Variants in FAM171A1 observed in about 807,000 individuals in gnomAD.
FAM171A1 encodes protein FAM171A1.
In FAM171A1, 23 loss-of-function variants were observed where a neutral mutation model predicts 74.9. That is an observed-to-expected ratio of 0.31 (90% CI 0.22 to 0.44). The LOEUF (loss-of-function observed/expected upper bound fraction) is 0.44. Ranked by LOEUF, FAM171A1 falls within the 20% of genes least tolerant of loss-of-function variation. The probability of loss-of-function intolerance (pLI) is 1.00; values close to 1 mark genes in which losing one functional copy is unlikely to be tolerated. For synonymous variants in FAM171A1, 527 were observed against 505.7 expected (o/e 1.04, Z -0.57); for missense variants, 1,162 against 1,159.2 (o/e 1.00, Z -0.03).
At chr10:15,290,890 G>A (rs1472866861) in intron 1 of FAM171A1, among the ~76,000 whole-genome samples, 4 of 152,092 alleles carry the variant, frequency 2.6e-5, no homozygotes, top group African/African-American at 9.7e-5. Context: ...GGCCACCCAT[G>A]TACCGCCGTT....
intron 4 of FAM171A1, among the ~76,000 whole-genome samples, chr10:15,252,434 T>G (rs1834521900): frequency 6.6e-6 from 1 of 152,220 alleles, no homozygotes; most frequent in Non-Finnish European, 1.5e-5. Context: ...TTGTGTCATC[T>G]TCCAAAGACA....
At chr10:15,353,571 A>C (rs1835901820) in intron 1 of FAM171A1, among the ~76,000 whole-genome samples, 1 of 152,194 alleles carries the variant, frequency 6.6e-6, no homozygotes, top group Non-Finnish European at 1.5e-5. Flanking sequence ...AAGTTCAGAA[A>C]ACATCGTCTC....
chr10:15,359,393 G>A (rs1835967731), intron 1 of FAM171A1, among the ~76,000 whole-genome samples: 1 of 152,128 alleles, frequency 6.6e-6, no homozygotes, highest in African/African-American at 2.4e-5. Flanking sequence ...CTCAGGGAGG[G>A]AAGGGACAGG....
chr10:15,316,264 C>T (rs911880170), intron 1 of FAM171A1, among the ~76,000 whole-genome samples: 3 of 152,178 alleles, frequency 2.0e-5, no homozygotes, highest in Non-Finnish European at 4.4e-5. Flanking sequence ...TGCTGAGCAG[C>T]TGTATTTTCT....
intron 5 of FAM171A1, among the ~76,000 whole-genome samples, chr10:15,238,392 T>C (rs537277960): frequency 7.9e-5 from 12 of 152,346 alleles, no homozygotes; most frequent in East Asian, 5.8e-4. Context: ...TTCGCTACAA[T>C]TGATGAGCCT....
intron 1 of FAM171A1, among the ~76,000 whole-genome samples, chr10:15,332,502 G>T (rs1342899288): frequency 6.6e-6 from 1 of 152,176 alleles, no homozygotes; most frequent in East Asian, 1.9e-4. Flanking sequence ...CTGGGGCGCT[G>T]CTTGGCAATG....
At chr10:15,286,596 T>C (rs1045002725) in intron 1 of FAM171A1, among the ~76,000 whole-genome samples, 2 of 152,130 alleles carry the variant, frequency 1.3e-5, no homozygotes, top group African/African-American at 2.4e-5. Flanking sequence ...TATTAACATC[T>C]TTATATCCAG....
At chr10:15,318,817 T>C (rs1400547629) in intron 1 of FAM171A1, among the ~76,000 whole-genome samples, 2 of 152,194 alleles carry the variant, frequency 1.3e-5, no homozygotes, top group Admixed American at 6.5e-5. Context: ...TTTGGGATCA[T>C]ACCTGTGCCT....
At chr10:15,361,126 TTAA>T (rs1218003256) in intron 1 of FAM171A1, among the ~76,000 whole-genome samples, 7 of 152,206 alleles carry the variant, frequency 4.6e-5, no homozygotes, top group Non-Finnish European at 7.3e-5. Flanking sequence ...GGATAAATTA[TTAA>T]TAATTAAACA....
intron 3 of FAM171A1, among the ~76,000 whole-genome samples, chr10:15,263,780 TATCTATC>T (rs1325899114): frequency 4.6e-5 from 7 of 151,146 alleles, no homozygotes; most frequent in Non-Finnish European, 1.0e-4. Flanking sequence ...TCTATCTATC[TATCTATC>T]ATCTATCCAT....
chr10:15,303,348 T>A (rs1485929560), intron 1 of FAM171A1, among the ~76,000 whole-genome samples: 1 of 152,200 alleles, frequency 6.6e-6, no homozygotes, highest in African/African-American at 2.4e-5. Context: ...GGGGAATAAA[T>A]AACTACTTTG....
At position 15,312,680 on chromosome 10, in the gene FAM171A1, T is replaced by G. The variant is rs1438464050; in HGVS notation, c.98-28575A>C. 2.3e-3 allele frequency among the ~76,000 whole-genome samples: 94 copies of G among 41,618 alleles called. 2 individuals carry two copies. Among genetic ancestry groups the G allele is most frequent in the Non-Finnish European group, 3.2e-3 (58 of 18,074 alleles). 27.3% of individuals were successfully genotyped at this position (41,618 alleles called of 152,430 possible). ...ATGAGTTCAGCACTGTGTGTTTTTT[T>G]TTTTTTTTTTTTTTTTTTTTTTTTT... On this transcript the variant is annotated intron_variant, in intron 1 of 7. Coordinates refer to ENST00000378116, the MANE Select transcript of FAM171A1 (RefSeq NM_001010924.2).
chr10:15,222,080 G>A (rs796591160), intron 5 of FAM171A1, among the ~76,000 whole-genome samples: 2 of 152,132 alleles, frequency 1.3e-5, no homozygotes, highest in African/African-American at 4.8e-5. Flanking sequence ...CCAGGGAGAG[G>A]CTGGGCGAAC....
In FAM171A1 at chr10:15,220,936, C is replaced by T. The variant is rs147648116; in HGVS notation, c.871+8G>A. 5.9e-5 allele frequency: 94 copies of T among 1,606,392 alleles called. No homozygotes were observed. The highest frequency in any genetic ancestry group is 2.5e-4 in the Admixed American group (15 of 59,806). On this transcript the variant is annotated splice_region_variant and intron_variant, in intron 6 of 7. Coordinates refer to ENST00000378116, the MANE Select transcript of FAM171A1 (RefSeq NM_001010924.2). Reference sequence around the variant, plus strand: ...TCCGCATCATCGCAAGTGTTGGCTCCGTGTTACCTGGGATGGGAGGGGACA... The same window carrying T: ...TCCGCATCATCGCAAGTGTTGGCTCTGTGTTACCTGGGATGGGAGGGGACA...
At chr10:15,253,313 T>C (rs545913630) in intron 4 of FAM171A1, among the ~76,000 whole-genome samples, 3 of 152,172 alleles carry the variant, frequency 2.0e-5, no homozygotes, top group Non-Finnish European at 2.9e-5. Flanking sequence ...CTTAAACCAC[T>C]TCTTCATGCT....
intron 1 of FAM171A1, among the ~76,000 whole-genome samples, chr10:15,331,871 G>A (rs61842697): frequency 0.65 from 26,250 of 40,234 alleles, 6,605 homozygotes; most frequent in East Asian, 0.78. Flanking sequence ...ATATATATGT[G>A]TGTGTATACA....
intron 5 of FAM171A1, among the ~76,000 whole-genome samples, chr10:15,231,328 C>T (rs897588768): frequency 1.3e-5 from 2 of 151,998 alleles, no homozygotes; most frequent in African/African-American, 2.4e-5. Flanking sequence ...CTCAGCCTCC[C>T]GAGTAGCTAG....
At chr10:15,364,029 C>G (rs1189583198) in intron 1 of FAM171A1, among the ~76,000 whole-genome samples, 3 of 151,014 alleles carry the variant, frequency 2.0e-5, no homozygotes, top group Admixed American at 6.6e-5. Flanking sequence ...AACTGGGAGG[C>G]CATTCAAGTC....
chr10:15,327,359 C>G (rs1248595548), intron 1 of FAM171A1, among the ~76,000 whole-genome samples: 2 of 152,076 alleles, frequency 1.3e-5, no homozygotes, highest in African/African-American at 4.8e-5. Context: ...ATAAGAATGT[C>G]ACAAATATGA....
Sources: gnomAD v4.1 joint callset for allele counts (sites outside exome capture counted in the v4.1 genomes callset) on GRCh38, gnomAD v4.1.1 for gene constraint, MANE v1.5 for transcripts, NCBI Gene and HGNC (gene_info 2026-07-23, HGNC 2026-07-21) for gene names.